The following NRG1 variants were observed in gnomAD, a reference collection of about 807,000 sequenced individuals.
The protein encoded by NRG1 is pro-neuregulin-1, membrane-bound isoform.
NRG1 carries 18 observed loss-of-function variants against 63.8 expected under a neutral mutation model. That is an observed-to-expected ratio of 0.28 (90% CI 0.19 to 0.42). The LOEUF (loss-of-function observed/expected upper bound fraction) is 0.42. NRG1 is among the 10% of genes least tolerant of loss of function. NRG1 has a pLI of 1.00. For missense variants in NRG1, 762 were observed against 814.7 expected, an observed-to-expected ratio of 0.94 and a Z score of 0.79; for synonymous variants, 302 against 301.3, an observed-to-expected ratio of 1.00 and a Z score of -0.02.
chr8:32,513,640 A>G (rs1269855046), intron 1 of NRG1, among the ~76,000 whole-genome samples: 1 of 152,164 alleles, frequency 6.6e-6, no homozygotes, highest in Non-Finnish European at 1.5e-5. Flanking sequence ...TGCAAATCCA[A>G]CCAGAAGTAT....
intron 1 of NRG1, among the ~76,000 whole-genome samples, chr8:32,330,055 A>T: frequency 2.5e-5 from 2 of 78,952 alleles, no homozygotes; most frequent in Non-Finnish European, 5.7e-5. Flanking sequence ...AAAAAAAAAA[A>T]AAAAAAAAAA....
chr8:32,760,903 TG>T (rs955352333), intron 11 of NRG1: 2 of 993,608 alleles, frequency 2.0e-6, no homozygotes, highest in African/African-American at 1.7e-5. Context: ...CTGAATGTCA[TG>T]GGGGGCAACT....
At chr8:32,249,517 G>T (rs16879026) in intron 1 of NRG1, among the ~76,000 whole-genome samples, 2,802 of 152,170 alleles carry the variant, frequency 0.018, 81 homozygotes, top group African/African-American at 0.063. Flanking sequence ...ATTCTCTGTT[G>T]TCTTTCACCC....
intron 1 of NRG1, among the ~76,000 whole-genome samples, chr8:31,831,841 C>T (rs1034337903): frequency 2.0e-5 from 3 of 152,172 alleles, no homozygotes; most frequent in Non-Finnish European, 4.4e-5. Flanking sequence ...GGGACTCACT[C>T]AGAGACCACC....
Position 32,355,099 on chromosome 8 carries a change from A to G in NRG1, c.38-240729A>G, listed in dbSNP as rs374502135. On this transcript the variant is annotated intron_variant, in intron 1 of 10. Transcript: ENST00000519301. ...TACAAAGAAAAATTTATATAGTAAA[A>G]CAATGATTGATTTAATTTGATAATT... Among the ~76,000 whole-genome samples the G allele has an allele frequency of 6.6e-5, 10 of 152,350 alleles. No homozygotes were observed. In the South Asian group the frequency reaches 2.1e-3, roughly 32 times the overall value.
chr8:32,467,234 TTTG>T (rs1167503616), intron 1 of NRG1, among the ~76,000 whole-genome samples: 1 of 152,098 alleles, frequency 6.6e-6, no homozygotes, highest in African/African-American at 2.4e-5. Context: ...TTCTGTTTAT[TTTG>T]TTGTTGTTGT....
intron 1 of NRG1, among the ~76,000 whole-genome samples, chr8:31,698,292 TGA>T (rs1810291435): frequency 6.6e-6 from 1 of 152,222 alleles, no homozygotes; most frequent in Non-Finnish European, 1.5e-5. Flanking sequence ...AAGCTCGAGC[TGA>T]CACACACAGT....
chr8:32,364,714 A>G (rs537714258), intron 1 of NRG1, among the ~76,000 whole-genome samples: 2 of 152,254 alleles, frequency 1.3e-5, no homozygotes, highest in South Asian at 4.1e-4. Flanking sequence ...GTGAAGTCTA[A>G]GTCCACATTT....
At position 32,284,323 on chromosome 8, in the gene NRG1, C is replaced by T. The variant is rs139976638; in HGVS notation, c.38-311505C>T. On this transcript the variant is annotated intron_variant, in intron 1 of 10. Transcript: ENST00000519301. Reference sequence around the variant, plus strand: ...TCCTAGTAATTTTCCATCCACTGACCCCACACTCTGCTCTTTGACTCTAAA... The same window carrying T: ...TCCTAGTAATTTTCCATCCACTGACTCCACACTCTGCTCTTTGACTCTAAA... Among the ~76,000 whole-genome samples, 37 of 152,212 alleles carry T rather than the reference C, an allele frequency of 2.4e-4. No homozygotes were observed. The East Asian group carries it at 6.9e-3, about 29-fold the overall frequency.
Position 32,520,258 on chromosome 8 carries a change from C to T in NRG1, c.38-75570C>T, listed in dbSNP as rs1234833257. On this transcript the variant is annotated intron_variant, in intron 1 of 10. Transcript: ENST00000519301. ...CTCACTGCAGCCTCCAAATTCCGGG[C>T]TTAAGTAATACTCCCACTTCTGCCT... Among the ~76,000 whole-genome samples the T allele has an allele frequency of 2.0e-5, 3 of 151,844 alleles. No individual in the cohort carries two copies. In the East Asian group the frequency reaches 5.8e-4, roughly 30 times the overall value.
intron 1 of NRG1, among the ~76,000 whole-genome samples, chr8:32,270,533 A>G (rs1009116407): frequency 6.6e-6 from 1 of 152,254 alleles, no homozygotes; most frequent in African/African-American, 2.4e-5. Context: ...GTGAGGCAAA[A>G]GAAAGAAAAT....
At chr8:32,740,164 C>T (rs1055170273) in intron 6 of NRG1, among the ~76,000 whole-genome samples, 6 of 144,814 alleles carry the variant, frequency 4.1e-5, no homozygotes, top group Admixed American at 1.4e-4. Context: ...TATGAAATGG[C>T]GTCTTTTTGA....
intron 1 of NRG1, among the ~76,000 whole-genome samples, chr8:31,970,951 G>A (rs2129628842): frequency 6.6e-6 from 1 of 152,228 alleles, no homozygotes; most frequent in African/African-American, 2.4e-5. Context: ...GGCTGAGGCA[G>A]GAGAATGGCG....
chr8:32,292,322 T>C (rs144650117), intron 1 of NRG1, among the ~76,000 whole-genome samples: 37 of 152,318 alleles, frequency 2.4e-4, no homozygotes, highest in Admixed American at 3.9e-4. Flanking sequence ...ACTACAAATA[T>C]TACATTTGCA....
intron 1 of NRG1, among the ~76,000 whole-genome samples, chr8:31,921,424 C>G (rs769012930): frequency 2.0e-5 from 3 of 151,928 alleles, no homozygotes; most frequent in Non-Finnish European, 4.4e-5. Flanking sequence ...TGTGGTAAAA[C>G]CCTCAAGGGA....
At chr8:32,222,504 A>G (rs1319318355) in intron 1 of NRG1, among the ~76,000 whole-genome samples, 2 of 152,232 alleles carry the variant, frequency 1.3e-5, no homozygotes, top group Non-Finnish European at 2.9e-5. Context: ...AAAAAGAAAG[A>G]AACATAAAGA....
chr8:31,981,464 CAAAA>C (rs762903823), intron 1 of NRG1, among the ~76,000 whole-genome samples: 28 of 151,860 alleles, frequency 1.8e-4, no homozygotes, highest in Admixed American at 1.2e-3. Flanking sequence ...AAGGAAACAA[CAAAA>C]AAGAAGAAAT....
At chr8:31,886,098 G>C (rs1279272402) in intron 1 of NRG1, among the ~76,000 whole-genome samples, 4 of 152,046 alleles carry the variant, frequency 2.6e-5, no homozygotes, top group Non-Finnish European at 5.9e-5. Context: ...TAGTAAGGTA[G>C]GATATTAAAA....
rs1218871995 is a variant in NRG1 at position 32,551,955 on chromosome 8, G to C, written c.100+3129G>C. On this transcript the variant is annotated intron_variant, in intron 1 of 11. Coordinates refer to ENST00000356819, the Ensembl canonical transcript of NRG1. Reference sequence around the variant, plus strand: ...TGACGGAGTCTCGCTCTGTCGCCAGGCTGGAGTGCAGTGGGTGCAATCTCG... The same window carrying C: ...TGACGGAGTCTCGCTCTGTCGCCAGCCTGGAGTGCAGTGGGTGCAATCTCG... Among the ~76,000 whole-genome samples the C allele has an allele frequency of 5.4e-5, 8 of 147,040 alleles. No homozygotes were observed. In the East Asian group the frequency reaches 1.4e-3, roughly 26 times the overall value.
Sources: gnomAD v4.1 joint callset for allele counts (sites outside exome capture counted in the v4.1 genomes callset) on GRCh38, gnomAD v4.1.1 for gene constraint, MANE v1.5 for transcripts, NCBI Gene and HGNC (gene_info 2026-07-23, HGNC 2026-07-21) for gene names.